Variants in ENOX1 observed in about 807,000 individuals in gnomAD.
The protein encoded by ENOX1 is candidate growth-related and time keeping constitutive hydroquinone (NADH) oxidase.
In ENOX1, 42 loss-of-function variants were observed where a neutral mutation model predicts 82.5. The ratio of observed to expected loss-of-function variants is 0.51; its 90% CI spans 0.40 to 0.66. ENOX1 has a LOEUF of 0.66. Ranked by LOEUF, ENOX1 falls within the 30% of genes least tolerant of loss-of-function variation. ENOX1 has a pLI of 0.00. For missense variants in ENOX1, 608 were observed against 811.6 expected (o/e 0.75, Z 3.05); for synonymous variants, 271 against 282.2 (o/e 0.96, Z 0.40).
chr13:43,368,811 A>T (rs949765814), intron 5 of ENOX1, among the ~76,000 whole-genome samples: 11 of 152,216 alleles, frequency 7.2e-5, no homozygotes, highest in African/African-American at 2.7e-4. Flanking sequence ...CCTGGGCATT[A>T]CCTAGTCCTA....
intron 2 of ENOX1, chr13:43,609,831 A>ATT (rs1299315547): frequency 1.5e-6 from 1 of 668,000 alleles, no homozygotes. Flanking sequence ...CAAATATTTA[A>ATT]AAGGACCATT....
chr13:43,432,550 C>T (rs980644430), intron 3 of ENOX1, among the ~76,000 whole-genome samples: 12 of 152,070 alleles, frequency 7.9e-5, no homozygotes, highest in Non-Finnish European at 1.5e-4. Flanking sequence ...GGCTGAGGCA[C>T]GAGAATTGCT....
intron 5 of ENOX1, among the ~76,000 whole-genome samples, chr13:43,409,701 T>A (rs1004714271): frequency 6.6e-6 from 1 of 152,230 alleles, no homozygotes; most frequent in African/African-American, 2.4e-5. Context: ...GAATTATTTT[T>A]AAATTTTTAA....
chr13:43,433,068 A>G (rs754203023), intron 3 of ENOX1, among the ~76,000 whole-genome samples: 8 of 152,166 alleles, frequency 5.3e-5, no homozygotes, highest in Non-Finnish European at 1.2e-4. Context: ...TAGGGTTGCT[A>G]TAACAGAATA....
chr13:43,588,438 G>A (rs537335455), intron 2 of ENOX1, among the ~76,000 whole-genome samples: 19 of 152,208 alleles, frequency 1.2e-4, no homozygotes, highest in African/African-American at 4.1e-4. Flanking sequence ...TTTTCCCTCT[G>A]ATGTGAGTGT....
At chr13:43,367,184 T>G (rs887534886) in intron 5 of ENOX1, among the ~76,000 whole-genome samples, 5 of 152,202 alleles carry the variant, frequency 3.3e-5, no homozygotes, top group Non-Finnish European at 5.9e-5. Context: ...ATGACACTTA[T>G]TTTGAGACAT....
intron 2 of ENOX1, among the ~76,000 whole-genome samples, chr13:43,581,163 C>T (rs1186467813): frequency 4.6e-5 from 5 of 108,454 alleles, no homozygotes; most frequent in African/African-American, 1.4e-4. Context: ...GACGGAGTCT[C>T]ACTCTGTCGC....
chr13:43,585,775 C>T (rs111567163), intron 2 of ENOX1, among the ~76,000 whole-genome samples: 11,735 of 152,204 alleles, frequency 0.077, 504 homozygotes, highest in Admixed American at 0.099. Flanking sequence ...GACAGGGTTT[C>T]ACTATGTTGG....
intron 14 of ENOX1, among the ~76,000 whole-genome samples, chr13:43,262,720 G>A (rs972697416): frequency 2.6e-5 from 4 of 151,998 alleles, no homozygotes; most frequent in South Asian, 2.1e-4. Flanking sequence ...CAAGAGATCC[G>A]CCCACCTCGG....
intron 5 of ENOX1, among the ~76,000 whole-genome samples, chr13:43,393,926 A>T (rs997848500): frequency 6.6e-6 from 1 of 152,044 alleles, no homozygotes; most frequent in Non-Finnish European, 1.5e-5. Flanking sequence ...ATGAGTTCTC[A>T]CTGTTATTCA....
intron 2 of ENOX1, among the ~76,000 whole-genome samples, chr13:43,490,419 G>T (rs2076580324): frequency 6.6e-6 from 1 of 152,162 alleles, no homozygotes; most frequent in South Asian, 2.1e-4. Flanking sequence ...CTGGGCTACT[G>T]GGATGGAATC....
chr13:43,303,557 A>C (rs1002009948), intron 11 of ENOX1, among the ~76,000 whole-genome samples: 1 of 152,182 alleles, frequency 6.6e-6, no homozygotes, highest in Non-Finnish European at 1.5e-5. Context: ...CCTTCTGCAC[A>C]GTCCCTCAGT....
intron 1 of ENOX1, among the ~76,000 whole-genome samples, chr13:43,777,396 C>A (rs763965280): frequency 7.9e-5 from 12 of 152,156 alleles, no homozygotes; most frequent in Non-Finnish European, 1.8e-4. Flanking sequence ...CACGTACACA[C>A]ACATAGTTGT....
chr13:43,532,090 AAAAG>A (rs201893627), intron 2 of ENOX1, among the ~76,000 whole-genome samples: 1,753 of 152,272 alleles, frequency 0.012, 20 homozygotes, highest in Middle Eastern at 0.037. Flanking sequence ...AAAATTTAAA[AAAAG>A]AAAGTTAAAA....
At chr13:43,281,848 T>C (rs958851707) in intron 12 of ENOX1, among the ~76,000 whole-genome samples, 1 of 152,184 alleles carries the variant, frequency 6.6e-6, no homozygotes, top group Non-Finnish European at 1.5e-5. Flanking sequence ...GTAGACTTTA[T>C]GTAGCAATCT....
intron 1 of ENOX1, among the ~76,000 whole-genome samples, chr13:43,747,763 A>C (rs1460817400): frequency 6.6e-6 from 1 of 152,230 alleles, no homozygotes; most frequent in Non-Finnish European, 1.5e-5. Flanking sequence ...TGAAGGATAT[A>C]AGATTCAGCA....
chr13:43,673,620 T>C (rs1473489136), intron 1 of ENOX1, among the ~76,000 whole-genome samples: 1 of 152,268 alleles, frequency 6.6e-6, no homozygotes, highest in Admixed American at 6.5e-5. Context: ...GAGGCCTCTC[T>C]GTGCCCCACA....
intron 1 of ENOX1, among the ~76,000 whole-genome samples, chr13:43,686,917 G>A (rs1402287969): frequency 3.9e-5 from 6 of 152,118 alleles, no homozygotes; most frequent in Admixed American, 3.3e-4. Context: ...AGGTAGAAAA[G>A]GCAGCAATGA....
chr13:43,523,617 A>G (rs941202214), intron 2 of ENOX1, among the ~76,000 whole-genome samples: 7 of 152,158 alleles, frequency 4.6e-5, no homozygotes, highest in Admixed American at 1.3e-4. Context: ...TAAGAAAGCA[A>G]TGTCTTCTGA....
Sources: allele counts gnomAD v4.1 joint callset (sites outside exome capture counted in the v4.1 genomes callset), GRCh38; gene constraint gnomAD v4.1.1; transcripts MANE v1.5; gene names NCBI Gene and HGNC (gene_info 2026-07-23, HGNC 2026-07-21).